SAMD12: variants seen among roughly 807,000 people sequenced by gnomAD.
SAMD12 encodes sterile alpha motif domain containing 12, also known as sterile alpha motif domain-containing protein 12.
In SAMD12, 9 loss-of-function variants were observed where a neutral mutation model predicts 15.0. The ratio of observed to expected loss-of-function variants is 0.60; its 90% CI spans 0.36 to 1.05. The LOEUF (loss-of-function observed/expected upper bound fraction) is 1.05, where lower values mean the gene tolerates loss of function less well. Ranked by LOEUF, SAMD12 falls within the 50% of genes least tolerant of loss-of-function variation. The probability of loss-of-function intolerance (pLI) is 0.01; values close to 1 mark genes in which losing one functional copy is unlikely to be tolerated. For missense variants in SAMD12, 230 were observed against 234.2 expected (o/e 0.98, Z 0.12); for synonymous variants, 86 against 90.1 (o/e 0.96, Z 0.25).
At chr8:118,144,936 G>A in the SAMD12 span, among the ~76,000 whole-genome samples, 9 of 152,242 alleles carry the variant, frequency 5.9e-5, no homozygotes, top group Non-Finnish European at 8.8e-5. Context: ...AAGATTCAGA[G>A]AAGTGCATGG....
intron 2 of SAMD12, among the ~76,000 whole-genome samples, chr8:118,553,208 A>G (rs1826404258): frequency 1.3e-5 from 2 of 152,208 alleles, no homozygotes; most frequent in African/African-American, 2.4e-5. Flanking sequence ...AACCAAAAAA[A>G]AGCCCACATC....
At chr8:118,134,703 TCTTGGTTTGTGGTCAGGCA>T in the SAMD12 span, among the ~76,000 whole-genome samples, 2 of 152,180 alleles carry the variant, frequency 1.3e-5, no homozygotes, top group African/African-American at 4.8e-5. Flanking sequence ...AACCAGGTTT[TCTTGGTTTGTGGTCAGGCA>T]ATACTCATTA....
intron 4 of SAMD12, among the ~76,000 whole-genome samples, chr8:118,221,050 A>C (rs1198415296): frequency 6.6e-6 from 1 of 152,176 alleles, no homozygotes; most frequent in Non-Finnish European, 1.5e-5. Flanking sequence ...AAACTTCTTG[A>C]AGTTAAATTA....
At chr8:118,397,896 G>A (rs1176338840) in intron 3 of SAMD12, among the ~76,000 whole-genome samples, 4 of 152,102 alleles carry the variant, frequency 2.6e-5, no homozygotes, top group East Asian at 1.9e-4. Context: ...GGGCTCAAGC[G>A]ATCCTCCCAT....
chr8:118,530,406 T>C (rs1825653388), intron 2 of SAMD12, among the ~76,000 whole-genome samples: 1 of 152,206 alleles, frequency 6.6e-6, no homozygotes, highest in Admixed American at 6.5e-5. Flanking sequence ...GTGTCTATTG[T>C]TTCCTTCTTT....
At chr8:118,385,641 G>A (rs1819914746) in intron 3 of SAMD12, among the ~76,000 whole-genome samples, 1 of 152,136 alleles carries the variant, frequency 6.6e-6, no homozygotes, top group Non-Finnish European at 1.5e-5. Flanking sequence ...ACACTAACAT[G>A]CTGGGGGTGT....
chr8:118,600,756 G>A (rs1827842663), intron 1 of SAMD12, among the ~76,000 whole-genome samples: 1 of 151,468 alleles, frequency 6.6e-6, no homozygotes, highest in Admixed American at 6.6e-5. Context: ...TCTTATCTTT[G>A]TTATGCACAT....
At chr8:118,275,135 A>T (rs529395236) in intron 4 of SAMD12, among the ~76,000 whole-genome samples, 1 of 152,180 alleles carries the variant, frequency 6.6e-6, no homozygotes, top group Non-Finnish European at 1.5e-5. Context: ...GGAAGTTCCA[A>T]TCTATTCATA....
At chr8:118,417,108 T>G (rs958673600) in intron 3 of SAMD12, among the ~76,000 whole-genome samples, 2 of 152,128 alleles carry the variant, frequency 1.3e-5, no homozygotes, top group East Asian at 3.8e-4. Context: ...GTTTTTTTTT[T>G]GAGACAGAGT....
the SAMD12 span, among the ~76,000 whole-genome samples, chr8:118,155,146 A>G: frequency 1.3e-5 from 2 of 152,114 alleles, no homozygotes; most frequent in East Asian, 1.9e-4. Context: ...ATTTATTTGT[A>G]TCTATTTAGT....
At chr8:118,320,496 A>T (rs1385362042) in intron 4 of SAMD12, among the ~76,000 whole-genome samples, 1 of 151,980 alleles carries the variant, frequency 6.6e-6, no homozygotes, top group East Asian at 1.9e-4. Context: ...TTTTAAATGC[A>T]AAAAAAGGAA....
chr8:118,444,208 T>C (rs1435576093), intron 2 of SAMD12, among the ~76,000 whole-genome samples: 1 of 152,046 alleles, frequency 6.6e-6, no homozygotes, highest in Non-Finnish European at 1.5e-5. Context: ...TCCTGCCCAA[T>C]GGCAAACATT....
chr8:118,186,412 A>G (rs1638408534), downstream of SAMD12, among the ~76,000 whole-genome samples: 1 of 152,338 alleles, frequency 6.6e-6, no homozygotes, highest in Non-Finnish European at 1.5e-5. Flanking sequence ...TAAGGTGAAC[A>G]GTTCTTGGCA....
chr8:118,282,823 C>T (rs1813717642), intron 4 of SAMD12, among the ~76,000 whole-genome samples: 1 of 151,848 alleles, frequency 6.6e-6, no homozygotes. Context: ...TTTATATCAG[C>T]CATAATATTT....
At position 118,515,940 on chromosome 8, in the gene SAMD12, T is replaced by C. The variant is rs550007321; in HGVS notation, c.192+64775A>G. ...CTGACCCCTGAAGCTATTTAAATGA[T>C]GAATTCTTCTCTGGGCACTCTCCTA... On this transcript the variant is annotated intron_variant, in intron 2 of 3. Coordinates refer to ENST00000314727, the MANE Select transcript of SAMD12 (RefSeq NM_207506.3). 2.8e-4 allele frequency among the ~76,000 whole-genome samples: 42 copies of C among 152,368 alleles called. No individual in the cohort carries two copies. The East Asian group carries it at 7.9e-3, about 29-fold the overall frequency.
chr8:118,351,035 T>G (rs1332327346), intron 4 of SAMD12, among the ~76,000 whole-genome samples: 1 of 152,230 alleles, frequency 6.6e-6, no homozygotes, highest in East Asian at 1.9e-4. Context: ...GAATGCAAAA[T>G]CTACTCTTTC....
downstream of SAMD12, among the ~76,000 whole-genome samples, chr8:118,373,428 A>G (rs942411408): frequency 2.0e-5 from 3 of 152,142 alleles, no homozygotes; most frequent in African/African-American, 7.2e-5. Flanking sequence ...GAGTTGCTGA[A>G]GTATCATTGC....
chr8:118,527,811 T>C (rs1825572302), intron 2 of SAMD12, among the ~76,000 whole-genome samples: 1 of 152,168 alleles, frequency 6.6e-6, no homozygotes, highest in African/African-American at 2.4e-5. Context: ...AAAGTGGATT[T>C]TGAGCACGAT....
chr8:118,147,337 T>C, the SAMD12 span, among the ~76,000 whole-genome samples: 1 of 151,228 alleles, frequency 6.6e-6, no homozygotes. Context: ...CAGGAACTAT[T>C]AATTGTTCTC....
Sources: gnomAD v4.1 joint callset for allele counts (sites outside exome capture counted in the v4.1 genomes callset) on GRCh38, gnomAD v4.1.1 for gene constraint, MANE v1.5 for transcripts, NCBI Gene and HGNC (gene_info 2026-07-23, HGNC 2026-07-21) for gene names.